Variants in LDLRAD3 observed in about 807,000 individuals in gnomAD.
The protein encoded by LDLRAD3 is low density lipoprotein receptor class A domain containing 3.
LDLRAD3 carries 20 observed loss-of-function variants against 29.4 expected under a neutral mutation model. The ratio of observed to expected loss-of-function variants is 0.68; its 90% CI spans 0.48 to 0.99. The LOEUF is 0.99. Ranked by LOEUF, LDLRAD3 falls within the 50% of genes least tolerant of loss-of-function variation. The pLI is 0.00. For missense variants in LDLRAD3, 420 were observed against 454.3 expected (o/e 0.92, Z 0.69); for synonymous variants, 157 against 192.7 (o/e 0.81, Z 1.53).
At chr11:36,027,825 G>A (rs1207649030) in intron 1 of LDLRAD3, among the ~76,000 whole-genome samples, 3 of 152,182 alleles carry the variant, frequency 2.0e-5, no homozygotes, top group Non-Finnish European at 2.9e-5. Context: ...GTGCAGAGTC[G>A]ATTGGCTCTC....
intron 4 of LDLRAD3, chr11:36,110,165 G>A (rs1853586615): frequency 6.6e-6 from 1 of 152,196 alleles, no homozygotes; most frequent in Non-Finnish European, 1.5e-5. Context: ...ACAGCAGCAG[G>A]AGTTTGAAGA....
chr11:36,071,559 A>T (rs1397976106), intron 2 of LDLRAD3, among the ~76,000 whole-genome samples: 1 of 152,260 alleles, frequency 6.6e-6, no homozygotes, highest in Admixed American at 6.5e-5. Flanking sequence ...GATGTGTACC[A>T]GTAGTTATTG....
intron 1 of LDLRAD3, chr11:35,988,979 A>G (rs906294631): frequency 6.6e-6 from 1 of 152,120 alleles, no homozygotes; most frequent in African/African-American, 2.4e-5. Context: ...AGTATTTCCT[A>G]CGTTTTCTTC....
intron 1 of LDLRAD3, among the ~76,000 whole-genome samples, chr11:35,999,407 A>G (rs1392665628): frequency 6.6e-6 from 1 of 152,054 alleles, no homozygotes. Flanking sequence ...ACCCGGAGAA[A>G]CGGCGTTTAA....
intron 1 of LDLRAD3, among the ~76,000 whole-genome samples, chr11:35,965,077 T>TC (rs1234015384): frequency 1.3e-5 from 2 of 151,136 alleles, no homozygotes; most frequent in Non-Finnish European, 2.9e-5. Context: ...TAAACACAAT[T>TC]CCCAGGCTTG....
At chr11:36,183,847 C>T (rs757912908) in intron 4 of LDLRAD3, among the ~76,000 whole-genome samples, 3 of 151,800 alleles carry the variant, frequency 2.0e-5, no homozygotes, top group Non-Finnish European at 4.4e-5. Context: ...TTCATTTATT[C>T]TTTTTTCATC....
intron 1 of LDLRAD3, among the ~76,000 whole-genome samples, chr11:35,958,048 G>A (rs927175791): frequency 2.6e-5 from 4 of 152,166 alleles, no homozygotes; most frequent in Non-Finnish European, 4.4e-5. Context: ...CTAACAAAAT[G>A]CTCACTAGTA....
chr11:36,201,555 T>A (rs1855127057), intron 4 of LDLRAD3, among the ~76,000 whole-genome samples: 2 of 152,262 alleles, frequency 1.3e-5, no homozygotes, highest in South Asian at 4.1e-4. Context: ...ACAGTCATTA[T>A]GCAAAAATTC....
chr11:36,115,442 C>T (rs963505684), intron 4 of LDLRAD3, among the ~76,000 whole-genome samples: 3 of 152,168 alleles, frequency 2.0e-5, no homozygotes, highest in African/African-American at 7.2e-5. Context: ...TTTTCAGAGT[C>T]TTACTTTTCC....
At chr11:36,168,403 A>G (rs998591771) in intron 4 of LDLRAD3, among the ~76,000 whole-genome samples, 29 of 152,158 alleles carry the variant, frequency 1.9e-4, no homozygotes, top group African/African-American at 6.5e-4. Flanking sequence ...GTGAACTGTC[A>G]AGAACCAGAG....
chr11:36,219,100 A>G (rs1363923434), intron 4 of LDLRAD3, among the ~76,000 whole-genome samples: 1 of 152,262 alleles, frequency 6.6e-6, no homozygotes, highest in Non-Finnish European at 1.5e-5. Context: ...GGACACGGCC[A>G]CATTCATTCA....
At chr11:35,996,002 T>C (rs1302523300) in intron 1 of LDLRAD3, among the ~76,000 whole-genome samples, 4 of 152,246 alleles carry the variant, frequency 2.6e-5, no homozygotes, top group Non-Finnish European at 5.9e-5. Context: ...GCAATAAGGC[T>C]GTTTTGCTTT....
chr11:35,988,490 G>T (rs1159724942), intron 1 of LDLRAD3, among the ~76,000 whole-genome samples: 2 of 152,166 alleles, frequency 1.3e-5, no homozygotes, highest in Non-Finnish European at 2.9e-5. Context: ...TGCATAGTTT[G>T]TGAATATTTT....
chr11:36,141,037 C>CTCTCTCTCTCTCTCTCT (rs1389366552), intron 4 of LDLRAD3, among the ~76,000 whole-genome samples: 4 of 45,462 alleles, frequency 8.8e-5, no homozygotes, highest in Admixed American at 2.7e-4. Context: ...TCTCTCTCTC[C>CTCTCTCTCTCTCTCTCT]GTGTGGGGGT....
chr11:36,040,920 TTGAG>T (rs1464547273), intron 2 of LDLRAD3, among the ~76,000 whole-genome samples: 66 of 152,292 alleles, frequency 4.3e-4, no homozygotes, highest in Non-Finnish European at 7.8e-4. Context: ...TCTAGCTAGA[TTGAG>T]TGTTTTCCCT....
intron 4 of LDLRAD3, among the ~76,000 whole-genome samples, chr11:36,105,010 G>A (rs1853506314): frequency 6.6e-6 from 1 of 152,126 alleles, no homozygotes; most frequent in Non-Finnish European, 1.5e-5. Context: ...TCCTCCTGAG[G>A]AATGTCTGGC....
At chr11:36,081,169 A>G (rs1429286475) in intron 2 of LDLRAD3, among the ~76,000 whole-genome samples, 1 of 152,050 alleles carries the variant, frequency 6.6e-6, no homozygotes, top group Non-Finnish European at 1.5e-5. Context: ...CTGTTTTGTT[A>G]CCTCTTTTCT....
At chr11:35,984,468 A>C (rs1359740402) in intron 1 of LDLRAD3, among the ~76,000 whole-genome samples, 1 of 152,168 alleles carries the variant, frequency 6.6e-6, no homozygotes, top group East Asian at 1.9e-4. Context: ...ACTTTTCAGC[A>C]AGGAAATCTT....
At chr11:36,120,784 T>A (rs1241430159) in intron 4 of LDLRAD3, among the ~76,000 whole-genome samples, 3 of 152,118 alleles carry the variant, frequency 2.0e-5, no homozygotes, top group African/African-American at 7.2e-5. Flanking sequence ...TAACCCCCAG[T>A]ATGATTGTAT....
Sources: gnomAD v4.1 joint callset for allele counts (sites outside exome capture counted in the v4.1 genomes callset) on GRCh38, gnomAD v4.1.1 for gene constraint, MANE v1.5 for transcripts, NCBI Gene and HGNC (gene_info 2026-07-23, HGNC 2026-07-21) for gene names.